Variants in SLC39A14 observed in about 807,000 individuals in gnomAD.
SLC39A14 encodes solute carrier family 39 member 14.
A neutral mutation model predicts 45.5 loss-of-function variants in SLC39A14; 19 were observed. The observed-to-expected ratio is 0.42, with a 90% CI of 0.29 to 0.61. The LOEUF is 0.61. SLC39A14 is among the 20% of genes least tolerant of loss of function. The pLI, the probability that SLC39A14 is intolerant of heterozygous loss-of-function variation, is 0.22. For missense variants in SLC39A14, 447 were observed against 616.5 expected, an observed-to-expected ratio of 0.73 and a Z score of 2.91; for synonymous variants, 264 against 251.3, an observed-to-expected ratio of 1.05 and a Z score of -0.48.
chr8:22,396,731 G>C (rs1224818077), intron 1 of SLC39A14, among the ~76,000 whole-genome samples: 1 of 149,252 alleles, frequency 6.7e-6, no homozygotes, highest in African/African-American at 2.5e-5. Flanking sequence ...GCTCTTCCCC[G>C]GTAGCTTTTC....
chr8:22,421,974 G>C lies in SLC39A14; in HGVS notation c.*2276G>C, dbSNP rs533948246. 8 of 985,432 alleles carry C rather than the reference G, an allele frequency of 8.1e-6. No individual in the cohort carries two copies. In the South Asian group the frequency reaches 3.3e-4, roughly 41 times the overall value. The allele number at this position is 985,432 out of a possible 1,614,324, so 61.0% of individuals were successfully genotyped here. A position where few individuals can be genotyped will look rare whatever the true frequency, so the allele number is the denominator to read the frequency against. ...GTTGGCGCAGAGGTCAGTCCTAGTC[G>C]GAGCTTAGGAGGGGCGGAGACGCTC... is the stretch of plus-strand genomic sequence containing the variant. On this transcript the variant is annotated 3_prime_UTR_variant, in exon 9 of 9. Coordinates refer to ENST00000381237, the MANE Select transcript of SLC39A14 (RefSeq NM_001128431.4).
intron 2 of SLC39A14, among the ~76,000 whole-genome samples, chr8:22,405,598 A>C (rs1470644210): frequency 6.6e-6 from 1 of 152,220 alleles, no homozygotes; most frequent in Non-Finnish European, 1.5e-5. Flanking sequence ...AGTCACTCAG[A>C]AATACTGAGA....
In SLC39A14 at chr8:22,412,121, C is replaced by A. The variant is rs1192142532; in HGVS notation, c.542C>A (p.Thr181Asn). The change falls in exon 4 of 9, where the codon ACC (threonine) becomes AAC (asparagine). Residue 181 changes from threonine (T) to asparagine (N), a missense_variant. Thr to Asn is a moderately conservative substitution (Grantham distance 65). Transcript: ENST00000381237. ...GASVVPFMKK[T>N]FYKRLLLYFI... is the part of the protein sequence containing the mutation. The stretch of plus-strand genomic sequence containing the variant: ...AGCGTGGTGCCCTTCATGAAGAAGA[C>A]CTTTTACAAGAGGCTGCTGCTCTAC... 6.4e-7 allele frequency: 1 copy of A among 1,551,578 alleles called. No homozygotes were observed. The highest frequency in any genetic ancestry group is 1.4e-5 in the African/African-American group (1 of 73,052).
chr8:22,421,614 T>TC lies in SLC39A14; in HGVS notation c.*1917dup, dbSNP rs1262734702. The TC allele has an allele frequency of 1.0e-6, 1 of 985,758 alleles. No homozygotes were observed. Among genetic ancestry groups the TC allele is most frequent in the Non-Finnish European group, 1.2e-6 (1 of 829,934 alleles). 61.1% of individuals were successfully genotyped at this position (985,758 alleles called of 1,614,324 possible). ...TTCTTTGTCTTTTCTGTTTTATTTT[T>TC]CTCAAGCTGCTTTCAGGAGCTAGCA... On this transcript the variant is annotated 3_prime_UTR_variant, in exon 9 of 9. Coordinates refer to ENST00000381237, the MANE Select transcript of SLC39A14 (RefSeq NM_001128431.4).
chr8:22,409,073 G>T (rs1484799063), intron 3 of SLC39A14, among the ~76,000 whole-genome samples: 1 of 151,876 alleles, frequency 6.6e-6, no homozygotes, highest in Non-Finnish European at 1.5e-5. Flanking sequence ...CTCCTGCCTC[G>T]GCCTCCCAAA....
chr8:22,409,370 C>T (rs115589607), intron 3 of SLC39A14, among the ~76,000 whole-genome samples: 4,287 of 143,294 alleles, frequency 0.03, 210 homozygotes, highest in African/African-American at 0.1. Context: ...ACTTGTATGG[C>T]TTTTTTTGTT....
At chr8:22,393,731 G>A (rs1834211096) in intron 1 of SLC39A14, among the ~76,000 whole-genome samples, 1 of 151,820 alleles carries the variant, frequency 6.6e-6, no homozygotes, top group East Asian at 1.9e-4. Flanking sequence ...GGGTGCGGTG[G>A]CACAGTCATA....
intron 3 of SLC39A14, chr8:22,410,107 A>G: frequency 1.9e-6 from 3 of 1,613,996 alleles, no homozygotes; most frequent in Non-Finnish European, 2.5e-6. Context: ...ATTCCAGCTC[A>G]TCCCAGAGGT....
chr8:22,419,505 A>G (rs200275913), intron 8 of SLC39A14, 47 bp from the exon 9 acceptor site: 1 of 1,563,256 alleles, frequency 6.4e-7, no homozygotes, highest in South Asian at 1.2e-5. Context: ...TGGACTTACA[A>G]GATGAAGAAG....
intron 1 of SLC39A14, among the ~76,000 whole-genome samples, chr8:22,396,600 A>AGAGAGAGAGAAGGAC: frequency 4.0e-5 from 1 of 25,190 alleles, no homozygotes; most frequent in African/African-American, 8.3e-5. Flanking sequence ...GAGAGAGAGA[A>AGAGAGAGAGAAGGAC]GACTAAGTGG....
rs969785387 is a variant in SLC39A14, at chr8:22,422,061, T to G, written c.*2363T>G. The G allele has an allele frequency of 4.1e-6, 4 of 985,336 alleles. No individual in the cohort carries two copies. The African/African-American group carries it at 7.0e-5, about 17-fold the overall frequency. 61.0% of individuals were successfully genotyped at this position (985,336 alleles called of 1,614,324 possible). ...CAGCTTTGCCTCATGAGTCAAAAAT[T>G]GGCAATTTCTTTTGATTTTTAGTTG... On this transcript the variant is annotated 3_prime_UTR_variant, in exon 9 of 9. Coordinates refer to ENST00000381237, the MANE Select transcript of SLC39A14 (RefSeq NM_001128431.4).
At chr8:22,424,194 A>C (rs1836343595), downstream of SLC39A14, among the ~76,000 whole-genome samples, 1 of 152,194 alleles carries the variant, frequency 6.6e-6, no homozygotes, top group African/African-American at 2.4e-5. Context: ...TTTCTCTTAC[A>C]TAAACTTGAA....
rs753418714 is a variant in SLC39A14, at chr8:22,416,122, A to G, written c.989A>G (p.Tyr330Cys). 2 of 1,613,826 alleles carry G rather than the reference A, an allele frequency of 1.2e-6. No individual in the cohort carries two copies. Among genetic ancestry groups the G allele is most frequent in the Non-Finnish European group, 1.7e-6 (2 of 1,179,958 alleles). The part of the protein sequence containing the change: ...SACYWLKGVR[Y>C]SDIGTLAWMI... ...TGCTACTGGCTGAAAGGTGTCCGCT[A>G]CTCTGATATCGGCACTCTGGCCTGG... is the stretch of plus-strand genomic sequence containing the variant. The change falls in exon 7 of 9, where the codon TAC becomes TGC. Residue 330 changes from tyrosine (Y) to cysteine (C), a missense_variant. Tyr to Cys is a radical substitution (Grantham distance 194). This residue lies in a region of SLC39A14 where 342 missense variants were observed against 428.1 expected (regional missense o/e 0.80). Transcript: ENST00000381237.
rs1464695498 is a variant in SLC39A14 at position 22,408,578 on chromosome 8, T to C, written c.457+82T>C. On this transcript the variant is annotated intron_variant, in intron 3 of 8. Transcript: ENST00000381237. ...GACCCCTGGGCTGAGCTGCTGCTGC[T>C]CCTCACTGAATGCCTCACCAGTGAT... 10 of 1,328,590 alleles carry C rather than the reference T, an allele frequency of 7.5e-6. No homozygotes were observed. The South Asian group carries it at 1.4e-4, about 19-fold the overall frequency. The allele number at this position is 1,328,590 out of a possible 1,614,324, so 82.3% of individuals were successfully genotyped here.
At chr8:22,409,169 T>TG (rs528572603) in intron 3 of SLC39A14, among the ~76,000 whole-genome samples, 15 of 152,130 alleles carry the variant, frequency 9.9e-5, no homozygotes, top group Non-Finnish European at 1.9e-4. Context: ...AGGCTGCACT[T>TG]GGCCCCTGAA....
chr8:22,416,313 C>T (rs1169219951), intron 7 of SLC39A14, 33 bp downstream of exon 7: 5 of 1,594,294 alleles, frequency 3.1e-6, no homozygotes, highest in Non-Finnish European at 4.3e-6. Context: ...ACTGGTGCTC[C>T]CTTGGGTGGT....
chr8:22,394,103 T>G (rs1315131388), intron 1 of SLC39A14, among the ~76,000 whole-genome samples: 2 of 149,338 alleles, frequency 1.3e-5, no homozygotes, highest in Non-Finnish European at 3.0e-5. Flanking sequence ...GCCTCCGGGG[T>G]TCAAGTGATT....
At chr8:22,411,473 G>C (rs1351435418) in intron 3 of SLC39A14, among the ~76,000 whole-genome samples, 1 of 152,244 alleles carries the variant, frequency 6.6e-6, no homozygotes, top group Non-Finnish European at 1.5e-5. Flanking sequence ...TGCACATCTG[G>C]CTTGGTTGTG....
intron 8 of SLC39A14, among the ~76,000 whole-genome samples, chr8:22,428,061 G>A (rs1836413472): frequency 6.6e-6 from 1 of 152,152 alleles, no homozygotes; most frequent in South Asian, 2.1e-4. Context: ...CGCTCTGGGA[G>A]GCTGAGGCGG....
Sources: gnomAD v4.1 joint callset for allele counts (sites outside exome capture counted in the v4.1 genomes callset) on GRCh38, gnomAD v4.1.1 for gene constraint, gnomAD v4.1.1 regional missense constraint, MANE v1.5 for transcripts, NCBI Gene and HGNC (gene_info 2026-07-23, HGNC 2026-07-21) for gene names.